ERGIC2: variants seen among roughly 807,000 people sequenced by gnomAD.
The protein encoded by ERGIC2 is endoplasmic reticulum-Golgi intermediate compartment protein 2.
ERGIC2 carries 31 observed loss-of-function variants against 52.5 expected under a neutral mutation model. The observed-to-expected ratio is 0.59, with a 90% CI of 0.44 to 0.80. The LOEUF is 0.80. ERGIC2 is among the 30% of genes least tolerant of loss of function. The probability of loss-of-function intolerance (pLI) is 0.00; values close to 1 mark genes in which losing one functional copy is unlikely to be tolerated. For synonymous variants in ERGIC2, 129 were observed against 140.6 expected (o/e 0.92, Z 0.58); for missense variants, 395 against 455.2 (o/e 0.87, Z 1.20).
rs1319865225 is a variant in ERGIC2 at position 29,356,389 on chromosome 12, C to T, written c.565G>A (p.Val189Met). The change falls in exon 8 of 14, where the codon GTG becomes ATG. Residue 189 changes from valine to methionine, a missense_variant. Coordinates refer to ENST00000360150, the MANE Select transcript of ERGIC2 (RefSeq NM_016570.3). ...NKVAGNFHIT[V>M]GKAIPHPRGH... ...TAAGTGAAAAGAACATACTTGCCCA[C>T]TGTTATGTGAAAATTCCCTGCTACT... 14 of 1,558,314 alleles carry T rather than the reference C, an allele frequency of 9.0e-6. No individual in the cohort carries two copies. Among genetic ancestry groups the T allele is most frequent in the African/African-American group, 1.4e-5 (1 of 73,700 alleles).
At chr12:29,346,822 A>G (rs1429017635) in intron 10 of ERGIC2, among the ~76,000 whole-genome samples, 3 of 152,238 alleles carry the variant, frequency 2.0e-5, no homozygotes, top group Admixed American at 6.5e-5. Flanking sequence ...AATATAAAAC[A>G]TGTTAATTCT....
chr12:29,362,205 T>G (rs750875389), intron 5 of ERGIC2, among the ~76,000 whole-genome samples: 2 of 152,200 alleles, frequency 1.3e-5, no homozygotes, highest in African/African-American at 4.8e-5. Flanking sequence ...AAAGTTAGAC[T>G]TGGCTACTTG....
intron 10 of ERGIC2, among the ~76,000 whole-genome samples, chr12:29,348,662 G>A (rs1013647064): frequency 2.0e-5 from 3 of 151,888 alleles, no homozygotes; most frequent in African/African-American, 4.8e-5. Context: ...AGAGGTTTCT[G>A]AAATGATATA....
rs1940289102 is a variant in ERGIC2, at chr12:29,361,692, T to C, written c.334-7A>G. ...GTGAAAGATCAAATACTGTCTGAAA[T>C]GAAAGAAAACATAATCACTAGCATT... On this transcript the variant is annotated splice_polypyrimidine_tract_variant and splice_region_variant and intron_variant, in intron 5 of 13. Transcript: ENST00000360150. The C allele has an allele frequency of 1.3e-6, 2 of 1,599,950 alleles. No individual in the cohort carries two copies. The highest frequency in any genetic ancestry group is 1.7e-6 in the Non-Finnish European group (2 of 1,173,158).
rs148108436 is a variant in ERGIC2, at chr12:29,374,862, G to A, written c.-37-3192C>T. The stretch of plus-strand genomic sequence containing the variant: ...AACCTTCCAATTCTCTCTCTATACT[G>A]TAATAATAAATTATCTTTTTAATAC... On this transcript the variant is annotated intron_variant, in intron 1 of 13. Coordinates refer to ENST00000360150, the MANE Select transcript of ERGIC2 (RefSeq NM_016570.3). Among the ~76,000 whole-genome samples the A allele has an allele frequency of 6.8e-3, 1,029 of 152,056 alleles. 12 individuals are homozygous for A. Among genetic ancestry groups the A allele is most frequent in the African/African-American group, 0.024 (977 of 41,428 alleles).
Position 29,339,863 on chromosome 12 carries a change from T to G in ERGIC2, c.*1293A>C, listed in dbSNP as rs1421782677. On this transcript the variant is annotated 3_prime_UTR_variant, in exon 14 of 14. Coordinates refer to ENST00000360150, the MANE Select transcript of ERGIC2 (RefSeq NM_016570.3). The stretch of plus-strand genomic sequence containing the variant: ...TCTTGTTATTTACCTGGAATTTTGT[T>G]TCCCCATTTCCTTAAATGATTTAAA... 1 of 152,174 alleles carries G rather than the reference T, an allele frequency of 6.6e-6. No individual in the cohort carries two copies. The highest frequency in any genetic ancestry group is 1.9e-4 in the East Asian group (1 of 5,198). The allele number at this position is 152,174 out of a possible 1,614,324, so 9.4% of individuals were successfully genotyped here.
chr12:29,341,155 G>A lies in ERGIC2; in HGVS notation c.*1C>T. 6.2e-7 allele frequency: 1 copy of A among 1,605,480 alleles called. No homozygotes were observed. Among genetic ancestry groups the A allele is most frequent in the South Asian group, 1.1e-5 (1 of 90,040 alleles). ...AGTTTTTCTCCTTCAATCGGGAGGTGTTAATGTGTATTATTTTCTAAAAGA... is the reference window on the plus strand; with the variant it reads ...AGTTTTTCTCCTTCAATCGGGAGGTATTAATGTGTATTATTTTCTAAAAGA... On this transcript the variant is annotated 3_prime_UTR_variant, in exon 14 of 14. Coordinates refer to ENST00000360150, the MANE Select transcript of ERGIC2 (RefSeq NM_016570.3).
chr12:29,348,165 A>G (rs1940083552), intron 10 of ERGIC2, among the ~76,000 whole-genome samples: 1 of 152,182 alleles, frequency 6.6e-6, no homozygotes, highest in Non-Finnish European at 1.5e-5. Flanking sequence ...GAAGTGAAAC[A>G]TTCCCACATG....
In ERGIC2 at chr12:29,339,465, A is replaced by G. The variant is rs1171490039; in HGVS notation, c.*1691T>C. On this transcript the variant is annotated 3_prime_UTR_variant, in exon 14 of 14. Coordinates refer to ENST00000360150, the MANE Select transcript of ERGIC2 (RefSeq NM_016570.3). ...CTTTCCTATTAAAATTCCTGTGGATAGATGGTGTTAGTTTATAGCCAAACT... is the reference window on the plus strand; with the variant it reads ...CTTTCCTATTAAAATTCCTGTGGATGGATGGTGTTAGTTTATAGCCAAACT... The G allele has an allele frequency of 6.6e-6, 1 of 152,172 alleles. No homozygotes were observed. Among genetic ancestry groups the G allele is most frequent in the Non-Finnish European group, 1.5e-5 (1 of 68,014 alleles). 9.4% of individuals were successfully genotyped at this position (152,172 alleles called of 1,614,324 possible).
chr12:29,366,714 T>C (rs561276085), intron 5 of ERGIC2, among the ~76,000 whole-genome samples, 163 bp downstream of exon 5: 2 of 152,040 alleles, frequency 1.3e-5, no homozygotes, highest in South Asian at 4.1e-4. Context: ...AATATAACTT[T>C]TCTGTTTTTC....
At position 29,340,968 on chromosome 12, in the gene ERGIC2, T is replaced by C; in HGVS notation, c.*188A>G. On this transcript the variant is annotated 3_prime_UTR_variant, in exon 14 of 14. Coordinates refer to ENST00000360150, the MANE Select transcript of ERGIC2 (RefSeq NM_016570.3). ...TAGCTGCATGATTTCTTCTACGACA[T>C]TTGTAACAGACACAACGTATATAGA... 1.7e-6 allele frequency: 1 copy of C among 591,542 alleles called. No homozygotes were observed. The highest frequency in any genetic ancestry group is 3.2e-5 in the East Asian group (1 of 31,292). 36.6% of individuals were successfully genotyped at this position (591,542 alleles called of 1,614,324 possible).
chr12:29,346,736 T>C (rs758650694), intron 10 of ERGIC2, among the ~76,000 whole-genome samples: 49 of 152,170 alleles, frequency 3.2e-4, no homozygotes, highest in Non-Finnish European at 5.3e-4. Context: ...ATTAGGCATC[T>C]CTAAGTTTGA....
At chr12:29,367,573 T>G (rs960245007) in intron 4 of ERGIC2, among the ~76,000 whole-genome samples, 3 of 151,820 alleles carry the variant, frequency 2.0e-5, no homozygotes, top group Non-Finnish European at 1.5e-5. Context: ...TGAGATAGAA[T>G]CTCACAGAAA....
At chr12:29,376,049 T>C (rs759698978) in intron 1 of ERGIC2, among the ~76,000 whole-genome samples, 16 of 152,354 alleles carry the variant, frequency 1.1e-4, no homozygotes, top group African/African-American at 2.9e-4. Flanking sequence ...TAGTCATTTC[T>C]GAGACTCACA....
chr12:29,353,068 G>A (rs1021863587), intron 8 of ERGIC2, among the ~76,000 whole-genome samples: 7 of 152,096 alleles, frequency 4.6e-5, no homozygotes. Context: ...GCCCTAGTAG[G>A]TCTAAACATT....
intron 3 of ERGIC2, among the ~76,000 whole-genome samples, chr12:29,368,578 T>C (rs898513243): frequency 6.6e-6 from 1 of 151,902 alleles, no homozygotes; most frequent in African/African-American, 2.4e-5. Context: ...TCTTAACCTC[T>C]TAATCTCTAT....
chr12:29,347,807 T>C (rs898288412), intron 10 of ERGIC2, among the ~76,000 whole-genome samples: 1 of 152,156 alleles, frequency 6.6e-6, no homozygotes, highest in African/African-American at 2.4e-5. Context: ...CTTTAAAGCT[T>C]TGAAAAACCT....
intron 6 of ERGIC2, 91 bp downstream of exon 6, chr12:29,361,554 C>T: frequency 1.1e-6 from 1 of 899,574 alleles, no homozygotes. Context: ...CAAAGAAATC[C>T]CTAGAGAAAT....
At chr12:29,361,739 C>T (rs1591994931) in intron 5 of ERGIC2, 54 bp from the exon 6 acceptor site, 9 of 1,442,134 alleles carry the variant, frequency 6.2e-6, no homozygotes, top group African/African-American at 2.9e-5. Flanking sequence ...TTGGCTTTTA[C>T]ATCATAATTT....
Sources: gnomAD v4.1 joint callset for allele counts (sites outside exome capture counted in the v4.1 genomes callset) on GRCh38, gnomAD v4.1.1 for gene constraint, MANE v1.5 for transcripts, NCBI Gene and HGNC (gene_info 2026-07-23, HGNC 2026-07-21) for gene names.